PLXDC2: variants seen among roughly 807,000 people sequenced by gnomAD.
The protein encoded by PLXDC2 is plexin domain-containing protein 2.
Under a neutral mutation model 68.9 loss-of-function variants are expected in PLXDC2, and 40 were observed. The observed-to-expected ratio is 0.58, with a 90% CI of 0.45 to 0.76. The LOEUF (loss-of-function observed/expected upper bound fraction) is 0.76, where lower values mean the gene tolerates loss of function less well. Among genes scored for constraint, PLXDC2 ranks in the 30% least tolerant of loss-of-function variants. PLXDC2 has a pLI of 0.00. For synonymous variants in PLXDC2, 243 were observed against 234.2 expected (o/e 1.04, Z -0.34); for missense variants, 644 against 661.9 (o/e 0.97, Z 0.30).
At chr10:19,856,365 A>AC (rs1837212507) in intron 1 of PLXDC2, among the ~76,000 whole-genome samples, 2 of 132,036 alleles carry the variant, frequency 1.5e-5, no homozygotes, top group African/African-American at 5.9e-5. Context: ...TACACACACA[A>AC]ACACACACAC....
rs373541401 is a variant in PLXDC2 at position 19,961,754 on chromosome 10, G to A, written c.113-40021G>A. Among the ~76,000 whole-genome samples the A allele has an allele frequency of 1.4e-4, 22 of 152,280 alleles. No homozygotes were observed. The East Asian group carries it at 1.5e-3, about 11-fold the overall frequency. Reference sequence around the variant, plus strand: ...GAAGCATCGCAGTGACCTATGAGAGGAGTCAATTTGCTCAGCCTCATCAGG... The same window carrying A: ...GAAGCATCGCAGTGACCTATGAGAGAAGTCAATTTGCTCAGCCTCATCAGG... On this transcript the variant is annotated intron_variant, in intron 1 of 13. Transcript: ENST00000377252.
intron 4 of PLXDC2, among the ~76,000 whole-genome samples, chr10:20,126,807 G>A (rs1326719191): frequency 7.0e-6 from 1 of 142,034 alleles, no homozygotes; most frequent in Admixed American, 7.2e-5. Context: ...CGTTATATAT[G>A]TATATATAAC....
chr10:19,841,116 G>A (rs770736327), intron 1 of PLXDC2, among the ~76,000 whole-genome samples: 1 of 152,128 alleles, frequency 6.6e-6, no homozygotes, highest in Non-Finnish European at 1.5e-5. Flanking sequence ...ATCAGTGTTC[G>A]AATCCTTCTC....
intron 4 of PLXDC2, among the ~76,000 whole-genome samples, chr10:20,084,077 G>A (rs995974612): frequency 6.6e-6 from 1 of 152,160 alleles, no homozygotes; most frequent in Non-Finnish European, 1.5e-5. Flanking sequence ...AATCTAAGTG[G>A]TTTGTAGGTG....
At chr10:20,099,938 G>A (rs1026644366) in intron 4 of PLXDC2, among the ~76,000 whole-genome samples, 1 of 152,070 alleles carries the variant, frequency 6.6e-6, no homozygotes, top group African/African-American at 2.4e-5. Context: ...ACACAAACCA[G>A]TATGTATTAG....
chr10:20,227,392 G>A (rs1009005609), intron 12 of PLXDC2, among the ~76,000 whole-genome samples: 1 of 152,152 alleles, frequency 6.6e-6, no homozygotes, highest in Non-Finnish European at 1.5e-5. Context: ...CTTGATCCAA[G>A]TTTTGAAGTA....
chr10:20,124,709 C>T (rs1022808311), intron 4 of PLXDC2, among the ~76,000 whole-genome samples: 32 of 139,242 alleles, frequency 2.3e-4, no homozygotes, highest in Non-Finnish European at 3.1e-4. Flanking sequence ...TGTTCTCTGG[C>T]GGGCAGGAGT....
chr10:20,065,346 C>T (rs1368105262), intron 3 of PLXDC2, among the ~76,000 whole-genome samples: 1 of 152,074 alleles, frequency 6.6e-6, no homozygotes, highest in African/African-American at 2.4e-5. Context: ...AACTCATGTT[C>T]ACCATGTTGG....
intron 1 of PLXDC2, among the ~76,000 whole-genome samples, chr10:19,954,102 G>A (rs548961829): frequency 1.3e-5 from 2 of 152,028 alleles, no homozygotes; most frequent in African/African-American, 4.8e-5. Context: ...AATAGGCAGA[G>A]ATTATGAGAA....
intron 7 of PLXDC2, among the ~76,000 whole-genome samples, chr10:20,168,325 C>G (rs1834401262): frequency 6.6e-6 from 1 of 152,096 alleles, no homozygotes; most frequent in Non-Finnish European, 1.5e-5. Context: ...ACACAGCATG[C>G]ATTACCTAGC....
chr10:20,101,938 C>T (rs780100338), intron 4 of PLXDC2, among the ~76,000 whole-genome samples: 14 of 152,034 alleles, frequency 9.2e-5, no homozygotes, highest in Non-Finnish European at 1.9e-4. Flanking sequence ...GCTGGGATTA[C>T]AGCCCCCCGA....
intron 1 of PLXDC2, among the ~76,000 whole-genome samples, chr10:19,983,184 T>G (rs1486293376): frequency 6.6e-6 from 1 of 152,178 alleles, no homozygotes; most frequent in African/African-American, 2.4e-5. Context: ...AACGAATCAC[T>G]TGATACTTCT....
chr10:20,147,050 A>G (rs1009401567), intron 5 of PLXDC2, among the ~76,000 whole-genome samples: 5 of 152,164 alleles, frequency 3.3e-5, no homozygotes, highest in African/African-American at 1.2e-4. Context: ...CAGTTAAAAC[A>G]AAAATTTGAA....
intron 1 of PLXDC2, among the ~76,000 whole-genome samples, chr10:19,959,866 T>A (rs919588961): frequency 2.0e-5 from 3 of 152,146 alleles, no homozygotes; most frequent in Non-Finnish European, 4.4e-5. Flanking sequence ...ACAGCCAGGA[T>A]TTCTGAAAAT....
intron 2 of PLXDC2, among the ~76,000 whole-genome samples, chr10:20,016,887 C>G (rs1057398530): frequency 6.6e-6 from 1 of 152,178 alleles, no homozygotes; most frequent in African/African-American, 2.4e-5. Context: ...GTGAAACCAC[C>G]AGCAGTTTCC....
intron 3 of PLXDC2, among the ~76,000 whole-genome samples, chr10:20,065,869 G>T (rs1836200796): frequency 6.6e-6 from 1 of 152,248 alleles, no homozygotes; most frequent in African/African-American, 2.4e-5. Flanking sequence ...GCTTCCCTGG[G>T]TTGCCTGCTG....
At chr10:20,153,069 C>A (rs1834172093) in intron 6 of PLXDC2, among the ~76,000 whole-genome samples, 1 of 152,114 alleles carries the variant, frequency 6.6e-6, no homozygotes, top group Admixed American at 6.5e-5. Context: ...TGCTATGGAC[C>A]TTTTCCTTAG....
At chr10:19,996,226 G>A (rs1351688532) in intron 1 of PLXDC2, among the ~76,000 whole-genome samples, 2 of 151,956 alleles carry the variant, frequency 1.3e-5, no homozygotes, top group Non-Finnish European at 2.9e-5. Flanking sequence ...GGATTGCTTG[G>A]GGCCAGGAGT....
chr10:20,104,811 G>A (rs371344335), intron 4 of PLXDC2, among the ~76,000 whole-genome samples: 7 of 152,042 alleles, frequency 4.6e-5, no homozygotes, highest in Non-Finnish European at 1.0e-4. Flanking sequence ...CCAGCACTGC[G>A]GGAAGCTGAG....
Sources: allele counts gnomAD v4.1 joint callset (sites outside exome capture counted in the v4.1 genomes callset), GRCh38; gene constraint gnomAD v4.1.1; transcripts MANE v1.5; gene names NCBI Gene and HGNC (gene_info 2026-07-23, HGNC 2026-07-21).